Variants in RIN2 observed in about 807,000 individuals in gnomAD.
RIN2 encodes the protein RAB5 interacting protein 2.
A neutral mutation model predicts 78.0 loss-of-function variants in RIN2; 36 were observed. The observed-to-expected ratio is 0.46, with a 90% confidence interval of 0.35 to 0.61. The LOEUF is 0.61. Among genes scored for constraint, RIN2 ranks in the 20% least tolerant of loss-of-function variants. The pLI, the probability that RIN2 is intolerant of heterozygous loss-of-function variation, is 0.00. For missense variants in RIN2, 1,087 were observed against 1,159.7 expected (o/e 0.94, Z 0.91); for synonymous variants, 466 against 466.8 (o/e 1.00, Z 0.02).
At chr20:19,904,879 C>G (rs935822777) in intron 3 of RIN2, among the ~76,000 whole-genome samples, 11 of 152,216 alleles carry the variant, frequency 7.2e-5, no homozygotes, top group African/African-American at 2.7e-4. Flanking sequence ...GAGCCAGCCT[C>G]CCCATCAGCA....
intron 1 of RIN2, among the ~76,000 whole-genome samples, chr20:19,766,226 C>T (rs1466726677): frequency 6.6e-6 from 1 of 152,124 alleles, no homozygotes; most frequent in Non-Finnish European, 1.5e-5. Context: ...CTGGGCACAC[C>T]TCATACCCTA....
At chr20:19,989,355 C>A (rs1350693196) in intron 9 of RIN2, among the ~76,000 whole-genome samples, 1 of 148,724 alleles carries the variant, frequency 6.7e-6, no homozygotes, top group African/African-American at 2.5e-5. Flanking sequence ...CTCACTGCAA[C>A]CTCTGCCTCT....
intron 1 of RIN2, among the ~76,000 whole-genome samples, chr20:19,796,364 T>C (rs1231683366): frequency 6.6e-6 from 1 of 152,338 alleles, no homozygotes; most frequent in Middle Eastern, 3.4e-3. Context: ...ACTACAGCAA[T>C]GTTTTTCAAG....
intron 2 of RIN2, among the ~76,000 whole-genome samples, chr20:19,867,599 T>C (rs931957952): frequency 3.3e-5 from 5 of 152,204 alleles, no homozygotes; most frequent in African/African-American, 1.2e-4. Context: ...TCAGTTTAGG[T>C]TTGTCTGATG....
chr20:19,796,392 C>G (rs768179323), intron 1 of RIN2, among the ~76,000 whole-genome samples: 8 of 152,176 alleles, frequency 5.3e-5, no homozygotes, highest in Non-Finnish European at 7.4e-5. Context: ...TCATGATCCC[C>G]CAGTGAACTG....
intron 2 of RIN2, among the ~76,000 whole-genome samples, chr20:19,817,460 T>C (rs1235195691): frequency 6.6e-6 from 1 of 152,092 alleles, no homozygotes; most frequent in Non-Finnish European, 1.5e-5. Context: ...CTAAAGGCCC[T>C]ACCTCTTAAT....
At chr20:19,982,622 C>G (rs2042494403) in intron 9 of RIN2, among the ~76,000 whole-genome samples, 1 of 152,184 alleles carries the variant, frequency 6.6e-6, no homozygotes, top group Admixed American at 6.5e-5. Context: ...CTTAATATCT[C>G]TGTGCCTCAG....
chr20:19,965,618 T>G (rs1436553846), intron 7 of RIN2, among the ~76,000 whole-genome samples: 1 of 152,210 alleles, frequency 6.6e-6, no homozygotes, highest in Non-Finnish European at 1.5e-5. Flanking sequence ...TTTTGTTTTT[T>G]GTTTTCTTTT....
At chr20:19,835,065 AAAAGAGAAAG>A (rs1425390434) in intron 2 of RIN2, among the ~76,000 whole-genome samples, 2 of 143,268 alleles carry the variant, frequency 1.4e-5, no homozygotes, top group South Asian at 4.8e-4. Context: ...AAGAAAGAGA[AAAAGAGAAAG>A]AGAAAGAAAG....
chr20:19,967,055 T>C (rs1216378819), intron 7 of RIN2, among the ~76,000 whole-genome samples: 1 of 152,226 alleles, frequency 6.6e-6, no homozygotes, highest in Non-Finnish European at 1.5e-5. Context: ...CTTTTCACAG[T>C]TTGCTTTTTG....
intron 1 of RIN2, among the ~76,000 whole-genome samples, chr20:19,786,442 C>A (rs973749142): frequency 6.6e-6 from 1 of 152,136 alleles, no homozygotes; most frequent in Non-Finnish European, 1.5e-5. Flanking sequence ...GATACCGTAG[C>A]AGTCTCCAGC....
At chr20:19,973,538 C>A (rs2042171994) in intron 8 of RIN2, among the ~76,000 whole-genome samples, 1 of 152,178 alleles carries the variant, frequency 6.6e-6, no homozygotes, top group Non-Finnish European at 1.5e-5. Flanking sequence ...CCTGTAATCC[C>A]AGCACTTTGG....
At position 19,889,121 on chromosome 20, in the gene RIN2, C is replaced by G. The variant is rs556631998; in HGVS notation, c.-36-445C>G. The G allele has an allele frequency of 3.1e-5, 31 of 985,404 alleles. No homozygotes were observed. In the East Asian group the frequency reaches 3.4e-3, roughly 108 times the overall value. 61.0% of individuals were successfully genotyped at this position (985,404 alleles called of 1,614,324 possible). A position where few individuals can be genotyped will look rare whatever the true frequency, so the allele number is the denominator to read the frequency against. On this transcript the variant is annotated intron_variant, in intron 2 of 12. Transcript: ENST00000255006. ...TGACCTTGCCTGGGGGAGAGGCCAGCAGAGCTAAGGATGACCTCACCCCCT... is the reference window on the plus strand; with the variant it reads ...TGACCTTGCCTGGGGGAGAGGCCAGGAGAGCTAAGGATGACCTCACCCCCT...
At chr20:19,790,963 T>C (rs990962561) in intron 1 of RIN2, among the ~76,000 whole-genome samples, 3 of 152,204 alleles carry the variant, frequency 2.0e-5, no homozygotes, top group African/African-American at 4.8e-5. Context: ...GTTCTAATGG[T>C]TGTAGCTTGG....
intron 1 of RIN2, among the ~76,000 whole-genome samples, chr20:19,780,876 G>T (rs1385318057): frequency 1.3e-5 from 2 of 152,238 alleles, no homozygotes; most frequent in Non-Finnish European, 2.9e-5. Flanking sequence ...CTCAGCATTT[G>T]TGCTGTGGCT....
intron 9 of RIN2, among the ~76,000 whole-genome samples, chr20:19,976,484 A>T (rs1286225111): frequency 2.6e-5 from 4 of 152,254 alleles, no homozygotes; most frequent in Non-Finnish European, 5.9e-5. Context: ...TGGAGGTCAC[A>T]TGAAAGGTGT....
intron 2 of RIN2, among the ~76,000 whole-genome samples, chr20:19,852,149 G>A (rs185892405): frequency 1.3e-5 from 2 of 152,328 alleles, no homozygotes; most frequent in Admixed American, 6.5e-5. Context: ...AGGTCATGCC[G>A]TGAAACCCCA....
chr20:19,796,786 T>G (rs2035069559), intron 1 of RIN2, among the ~76,000 whole-genome samples: 1 of 152,232 alleles, frequency 6.6e-6, no homozygotes, highest in South Asian at 2.1e-4. Flanking sequence ...GAATTGAGCC[T>G]TGGGACCAAG....
rs572069091 is a variant in RIN2 at position 19,784,327 on chromosome 20, T to G, written c.-162-15295T>G. ...AAAGGAATTTAAACAATTATGTGTG[T>G]GTGTGTGTATGTGTGTGTGTATGCA... On this transcript the variant is annotated intron_variant, in intron 1 of 12. Transcript: ENST00000255006. Among the ~76,000 whole-genome samples, 5 of 149,954 alleles carry G rather than the reference T, an allele frequency of 3.3e-5. No individual in the cohort carries two copies. In the South Asian group the frequency reaches 8.3e-4, roughly 25 times the overall value.
Sources: gnomAD v4.1 joint callset for allele counts (sites outside exome capture counted in the v4.1 genomes callset) on GRCh38, gnomAD v4.1.1 for gene constraint, MANE v1.5 for transcripts, NCBI Gene and HGNC (gene_info 2026-07-23, HGNC 2026-07-21) for gene names.